COG4: variants seen among roughly 807,000 people sequenced by gnomAD.
COG4 encodes the protein component of oligomeric golgi complex 4.
Under a neutral mutation model 95.1 loss-of-function variants are expected in COG4, and 65 were observed. That is an observed-to-expected ratio of 0.68 (90% CI 0.56 to 0.84). COG4 has a LOEUF of 0.84. Ranked by LOEUF, COG4 falls within the 40% of genes least tolerant of loss-of-function variation. The pLI is 0.00. For missense variants in COG4, 1,045 were observed against 989.1 expected (o/e 1.06, Z -0.76); for synonymous variants, 421 against 374.8 (o/e 1.12, Z -1.42).
intron 13 of COG4, among the ~76,000 whole-genome samples, chr16:70,487,007 A>AG (rs1215800991): frequency 6.7e-6 from 1 of 148,966 alleles, no homozygotes; most frequent in Non-Finnish European, 1.5e-5. Flanking sequence ...AAAAAAAAAA[A>AG]AAGTCAGGCA....
Position 70,517,732 on chromosome 16 carries a change from A to G in COG4, c.263T>C (p.Leu88Pro), listed in dbSNP as rs750735505. 8 of 1,607,622 alleles carry G rather than the reference A, an allele frequency of 5.0e-6. No individual in the cohort carries two copies. In the South Asian group the frequency reaches 7.7e-5, roughly 15 times the overall value. Residue 88 changes from leucine (L) to proline (P), a missense_variant, in exon 3 of 19, where the codon CTG becomes CCG. By Grantham distance (98) the Leu-to-Pro change is moderately conservative. Coordinates refer to ENST00000323786, the MANE Select transcript of COG4 (RefSeq NM_015386.3). ...CTTTGCATCTCCCTCAATCAGCTGC[A>G]GATTAGGACTGGAGAAATACATTGT... ...MVTLHRMGPN[L>P]QLIEGDAKQL...
In COG4 at chr16:70,495,397, C is replaced by CAAAAAAAAAAAAAAAA. The variant is rs11382671; in HGVS notation, c.1647+853_1647+868dup. On this transcript the variant is annotated intron_variant, in intron 12 of 18. Transcript: ENST00000323786. ...GGGGAACAAGAGCAAGACTCCATCT[C>CAAAAAAAAAAAAAAAA]AAAAAAAAAAAAAAAAGAATCTGAT... is the stretch of plus-strand genomic sequence containing the variant. Among the ~76,000 whole-genome samples, 141 of 111,274 alleles carry CAAAAAAAAAAAAAAAA rather than the reference C, an allele frequency of 1.3e-3. 4 individuals carry two copies. Among genetic ancestry groups the CAAAAAAAAAAAAAAAA allele is most frequent in the African/African-American group, 4.7e-3 (132 of 28,316 alleles). 73.0% of individuals were successfully genotyped at this position (111,274 alleles called of 152,430 possible).
chr16:70,505,264 A>C (rs2049538990), intron 8 of COG4, among the ~76,000 whole-genome samples: 1 of 143,358 alleles, frequency 7.0e-6, no homozygotes, highest in East Asian at 2.1e-4. Flanking sequence ...GTGGCACGAT[A>C]TTGGCTCACT....
intron 1 of COG4, among the ~76,000 whole-genome samples, chr16:70,521,431 A>G (rs1340640790): frequency 6.6e-6 from 1 of 152,040 alleles, no homozygotes; most frequent in African/African-American, 2.4e-5. Context: ...CACGTTGGCC[A>G]GGTTGGTCTC....
intron 14 of COG4, 135 bp downstream of exon 14, chr16:70,483,718 C>T (rs2151739493): frequency 1.3e-6 from 1 of 785,358 alleles, no homozygotes; most frequent in Non-Finnish European, 2.3e-6. Flanking sequence ...ACCTGCACAA[C>T]TCCAGGCTCC....
chr16:70,511,599 A>G (rs2049707308), intron 5 of COG4, among the ~76,000 whole-genome samples: 1 of 151,486 alleles, frequency 6.6e-6, no homozygotes, highest in South Asian at 2.1e-4. Context: ...TGCAGTCTCA[A>G]CTGCTTGGGA....
chr16:70,504,951 GAAGTT>G (rs899968071), intron 8 of COG4, among the ~76,000 whole-genome samples: 4 of 151,104 alleles, frequency 2.6e-5, no homozygotes, highest in Non-Finnish European at 5.9e-5. Context: ...CGTTAGTGCA[GAAGTT>G]AAGAAACCTT....
intron 1 of COG4, among the ~76,000 whole-genome samples, chr16:70,520,491 G>A (rs767772172): frequency 7.9e-5 from 12 of 151,620 alleles, no homozygotes; most frequent in Non-Finnish European, 1.6e-4. Context: ...AATTAGCTGG[G>A]TGTGGTGGCG....
At chr16:70,492,809 A>C (rs964365957) in intron 12 of COG4, among the ~76,000 whole-genome samples, 8 of 148,664 alleles carry the variant, frequency 5.4e-5, no homozygotes, top group African/African-American at 2.0e-4. Flanking sequence ...CTAAAAATAC[A>C]AAAATTAGTC....
Position 70,501,089 on chromosome 16 carries a change from T to C in COG4, c.1064A>G (p.Glu355Gly). 1 of 1,613,228 alleles carries C rather than the reference T, an allele frequency of 6.2e-7. No individual in the cohort carries two copies. The highest frequency in any genetic ancestry group is 8.5e-7 in the Non-Finnish European group (1 of 1,180,000). ...GACCTCAGTCAGGATGGGGTCCAGT[T>C]CTCTGAGACACATGGAGCAGAAGGA... The part of the protein sequence containing the change: ...NSTTEKIEPR[E>G]LDPILTEVTL... The change falls in exon 9 of 19, where the codon GAA becomes GGA. Residue 355 changes from glutamate to glycine, a missense_variant and splice_region_variant. Coordinates refer to ENST00000323786, the MANE Select transcript of COG4 (RefSeq NM_015386.3).
chr16:70,496,835 G>C (rs1296936352), intron 11 of COG4, among the ~76,000 whole-genome samples: 2 of 152,138 alleles, frequency 1.3e-5, no homozygotes, highest in East Asian at 3.8e-4. Flanking sequence ...CTAAAGCACA[G>C]TTTCTTCATC....
At position 70,481,855 on chromosome 16, in the gene COG4, G is replaced by C. The variant is rs2049002379; in HGVS notation, c.2015C>G (p.Ser672Cys). The C allele has an allele frequency of 6.2e-7, 1 of 1,613,448 alleles. No homozygotes were observed. The highest frequency in any genetic ancestry group is 1.3e-5 in the African/African-American group (1 of 74,910). The change falls in exon 17 of 19, where the codon TCC (serine) becomes TGC (cysteine). Residue 672 changes from serine (S) to cysteine (C), a missense_variant. Physicochemically the swap from Ser to Cys is moderately radical, Grantham distance 112 (BLOSUM62 -1). Coordinates refer to ENST00000323786, the MANE Select transcript of COG4 (RefSeq NM_015386.3). ...GGTTAGGCTGTCGTAGATGACCGGG[G>C]ACAGGCTGGCCTGCACACAGAGGGT... is the stretch of plus-strand genomic sequence containing the variant. ...QQMAEFKASL[S>C]PVIYDSLTGL...
intron 8 of COG4, 107 bp from the exon 9 acceptor site, chr16:70,501,198 G>A: frequency 7.7e-7 from 1 of 1,292,634 alleles, no homozygotes; most frequent in Middle Eastern, 2.5e-4. Flanking sequence ...GGGCCCATAA[G>A]GAAAAGCTCT....
chr16:70,503,633 C>T (rs1423363648), intron 8 of COG4, among the ~76,000 whole-genome samples: 2 of 119,424 alleles, frequency 1.7e-5, no homozygotes, highest in East Asian at 2.0e-4. Context: ...CTCACTCTGT[C>T]GCCCAGGCTG....
At chr16:70,505,610 A>G (rs1039360378) in intron 8 of COG4, among the ~76,000 whole-genome samples, 2 of 149,274 alleles carry the variant, frequency 1.3e-5, no homozygotes, top group African/African-American at 2.4e-5. Context: ...CGGGCAGATC[A>G]TGAGGTCAGG....
rs1237710539 is a variant in COG4 at position 70,506,593 on chromosome 16, C to CAAAAAAAAAAAAA, written c.1061+1800_1061+1812dup. Reference sequence around the variant, plus strand: ...CCTGGGCAACAGAGCGAGACTGCCTCAAAAAAAAAAAAAAAAAAAAAAAAC... The same window carrying CAAAAAAAAAAAAA: ...CCTGGGCAACAGAGCGAGACTGCCTCAAAAAAAAAAAAAAAAAAAAAAAAAAAAAAAAAAAAAC... On this transcript the variant is annotated intron_variant, in intron 8 of 18. Transcript: ENST00000323786. 1.0e-3 allele frequency among the ~76,000 whole-genome samples: 15 copies of CAAAAAAAAAAAAA among 14,690 alleles called. 2 individuals carry two copies. Among genetic ancestry groups the CAAAAAAAAAAAAA allele is most frequent in the Non-Finnish European group, 1.4e-3 (11 of 8,072 alleles). The allele number at this position is 14,690 out of a possible 152,430, so 9.6% of individuals were successfully genotyped here. A position where few individuals can be genotyped will look rare whatever the true frequency, so the allele number is the denominator to read the frequency against.
At chr16:70,492,419 G>A (rs1399863313) in intron 12 of COG4, among the ~76,000 whole-genome samples, 2 of 152,146 alleles carry the variant, frequency 1.3e-5, no homozygotes, top group Admixed American at 6.5e-5. Flanking sequence ...AGCAGTTTGG[G>A]AGGCCGATGC....
intron 15 of COG4, 122 bp downstream of exon 15, chr16:70,482,607 G>C: frequency 1.3e-6 from 1 of 781,722 alleles, no homozygotes; most frequent in Non-Finnish European, 2.3e-6. Context: ...ATGGGTCAGG[G>C]TGGGGGAAGT....
At chr16:70,501,169 C>T (rs543820365) in intron 8 of COG4, 78 bp from the exon 9 acceptor site, 2 of 1,518,110 alleles carry the variant, frequency 1.3e-6, no homozygotes, top group South Asian at 2.3e-5. Flanking sequence ...AAGAGAGTCC[C>T]AAATTCCCCC....
Sources: gnomAD v4.1 joint callset for allele counts (sites outside exome capture counted in the v4.1 genomes callset) on GRCh38, gnomAD v4.1.1 for gene constraint, MANE v1.5 for transcripts, NCBI Gene and HGNC (gene_info 2026-07-23, HGNC 2026-07-21) for gene names.